ARHGAP21: variants seen among roughly 807,000 people sequenced by gnomAD.
ARHGAP21 encodes rho GTPase-activating protein 21.
In ARHGAP21, 38 loss-of-function variants were observed where a neutral mutation model predicts 164.6. The ratio of observed to expected loss-of-function variants is 0.23; its 90% CI spans 0.18 to 0.30. ARHGAP21 has a LOEUF of 0.30. ARHGAP21 is among the 10% of genes least tolerant of loss of function. ARHGAP21 has a pLI of 1.00. For missense variants in ARHGAP21, 1,822 were observed against 2,370.7 expected (o/e 0.77, Z 4.81); for synonymous variants, 766 against 857.9 (o/e 0.89, Z 1.87).
intron 14 of ARHGAP21, 102 bp downstream of exon 14, chr10:24,600,544 A>G (rs2076772249): frequency 1.5e-6 from 2 of 1,373,080 alleles, no homozygotes; most frequent in Admixed American, 2.4e-5. Context: ...AAAATAGCAC[A>G]TTATAATTTT....
intron 10 of ARHGAP21, 51 bp from the exon 11 acceptor site, chr10:24,607,652 T>C: frequency 6.2e-7 from 1 of 1,610,482 alleles, no homozygotes. Context: ...GGTTCCCAGA[T>C]TCTTTTAACG....
chr10:24,587,140 T>C (rs1194083701), intron 25 of ARHGAP21, among the ~76,000 whole-genome samples: 1 of 152,138 alleles, frequency 6.6e-6, no homozygotes, highest in Non-Finnish European at 1.5e-5. Context: ...TTGCTATGTA[T>C]AATAGGTTCT....
Position 24,584,485 on chromosome 10 carries a change from G to C in ARHGAP21, c.5804C>G (p.Ser1935Cys). 1 of 1,613,940 alleles carries C rather than the reference G, an allele frequency of 6.2e-7. No individual in the cohort carries two copies. The highest frequency in any genetic ancestry group is 1.7e-5 in the Admixed American group (1 of 60,016). The change falls in exon 26 of 26, where the codon TCT (serine) becomes TGT (cysteine). Residue 1935 changes from serine to cysteine, a missense_variant. Transcript: ENST00000396432. Reference sequence around the variant, plus strand: ...TTTATGAGGTTGGGCATTCGCTGCAGAACTAGCATTTTTGCTCACGTTCTG... The same window carrying C: ...TTTATGAGGTTGGGCATTCGCTGCACAACTAGCATTTTTGCTCACGTTCTG... ...SFQNVSKNAS[S>C]AANAQPHKLS... is the part of the protein sequence containing the mutation.
At chr10:24,647,841 C>A (rs1593155319) in intron 4 of ARHGAP21, among the ~76,000 whole-genome samples, 2 of 152,232 alleles carry the variant, frequency 1.3e-5, no homozygotes, top group East Asian at 1.9e-4. Context: ...TTTGTATATT[C>A]TTTTCTCTTT....
At chr10:24,633,772 T>C (rs1448408012) in intron 5 of ARHGAP21, among the ~76,000 whole-genome samples, 3 of 152,006 alleles carry the variant, frequency 2.0e-5, no homozygotes, top group Non-Finnish European at 4.4e-5. Context: ...AATTTAGAAA[T>C]TTCAAAAGGT....
chr10:24,638,496 T>G (rs1836621296), intron 4 of ARHGAP21, among the ~76,000 whole-genome samples: 1 of 152,204 alleles, frequency 6.6e-6, no homozygotes, highest in African/African-American at 2.4e-5. Flanking sequence ...CATTTCTAGA[T>G]ATGCAGAACT....
chr10:24,585,589 G>A lies in ARHGAP21; in HGVS notation c.4700C>T (p.Thr1567Ile), dbSNP rs757866638. 1.2e-6 allele frequency: 2 copies of A among 1,614,196 alleles called. No homozygotes were observed. Among genetic ancestry groups the A allele is most frequent in the Middle Eastern group, 1.6e-4 (1 of 6,062 alleles). The change falls in exon 26 of 26, where the codon ACC (threonine) becomes ATC (isoleucine). Residue 1567 changes from threonine (T) to isoleucine (I), a missense_variant. By Grantham distance (89) the Thr-to-Ile change is moderately conservative. Around this residue, in one of 5 missense-constraint regions of ARHGAP21, gnomAD observed 333 missense variants for 383.9 expected, o/e 0.87. Coordinates refer to ENST00000396432, the MANE Select transcript of ARHGAP21 (RefSeq NM_020824.4). ...CTCGCTATGTTTCGTTTCTGGACTG[G>A]TTGATTTCTTCATGGAAAACCTTGC... ...SLARFSMKKS[T>I]SPETKHSEFL...
At position 24,589,261 on chromosome 10, in the gene ARHGAP21, A is replaced by T. The variant is rs1476680809; in HGVS notation, c.4182+10T>A. 1 of 1,600,588 alleles carries T rather than the reference A, an allele frequency of 6.2e-7. No homozygotes were observed. Among genetic ancestry groups the T allele is most frequent in the African/African-American group, 1.3e-5 (1 of 74,536 alleles). ...CCCTAAAATATTTCAAATTGTATGA[A>T]ACAATTTACCTTAGATTTTGTTGAG... On this transcript the variant is annotated intron_variant, in intron 25 of 25. Transcript: ENST00000396432.
At chr10:24,652,500 G>A (rs578251126) in intron 4 of ARHGAP21, among the ~76,000 whole-genome samples, 1 of 152,186 alleles carries the variant, frequency 6.6e-6, no homozygotes, top group Admixed American at 6.5e-5. Context: ...ATTAAAATTA[G>A]AAACTTCCCT....
chr10:24,675,139 A>G (rs7098723), intron 2 of ARHGAP21, among the ~76,000 whole-genome samples: 124,696 of 152,228 alleles, frequency 0.82, 51,327 homozygotes, highest in African/African-American at 0.91. Flanking sequence ...TAGCAACTTT[A>G]TTATAGCCAC....
chr10:24,673,606 A>G (rs1840924871), intron 2 of ARHGAP21, among the ~76,000 whole-genome samples: 1 of 152,222 alleles, frequency 6.6e-6, no homozygotes, highest in African/African-American at 2.4e-5. Flanking sequence ...TCACGCCTGT[A>G]ATCCCAGCAC....
Position 24,687,371 on chromosome 10 carries a change from C to T in ARHGAP21, c.64-16974G>A, listed in dbSNP as rs117826514. On this transcript the variant is annotated intron_variant, in intron 2 of 25. Coordinates refer to ENST00000396432, the MANE Select transcript of ARHGAP21 (RefSeq NM_020824.4). Reference sequence around the variant, plus strand: ...ACCTCAAAAATGAATGAAATTTATACGAAATGAGTAAAGTTTACATAAAAC... The same window carrying T: ...ACCTCAAAAATGAATGAAATTTATATGAAATGAGTAAAGTTTACATAAAAC... 1.4e-4 allele frequency among the ~76,000 whole-genome samples: 21 copies of T among 152,252 alleles called. No homozygotes were observed. The South Asian group carries it at 1.7e-3, about 12-fold the overall frequency.
chr10:24,602,195 AT>A, intron 12 of ARHGAP21, 92 bp from the exon 13 acceptor site: 1 of 1,441,252 alleles, frequency 6.9e-7, no homozygotes, highest in Non-Finnish European at 9.3e-7. Context: ...ACTTTATTTA[AT>A]GTTTCAAGTG....
intron 2 of ARHGAP21, among the ~76,000 whole-genome samples, chr10:24,714,903 G>A (rs977893459): frequency 1.3e-5 from 2 of 151,884 alleles, no homozygotes; most frequent in African/African-American, 2.4e-5. Context: ...GGTGGCGGGC[G>A]CCTGTAGTCC....
At chr10:24,662,484 G>A (rs1160764160) in intron 4 of ARHGAP21, among the ~76,000 whole-genome samples, 3 of 152,194 alleles carry the variant, frequency 2.0e-5, no homozygotes, top group African/African-American at 7.2e-5. Context: ...CAGGGTTAGA[G>A]TGAGGATTAA....
chr10:24,698,088 T>C (rs567328393), intron 2 of ARHGAP21, among the ~76,000 whole-genome samples: 1 of 152,234 alleles, frequency 6.6e-6, no homozygotes, highest in East Asian at 1.9e-4. Context: ...TTGTATAGCT[T>C]GTATTAAATG....
Position 24,721,893 on chromosome 10 carries a change from CCAT to C in ARHGAP21, c.4_6del (p.Met2del). ...TCAGACAGACCAGTCCGACGCGTGG[CCAT>C]CATTTCATTTCAAATGACAAAGAAG... is the stretch of plus-strand genomic sequence containing the variant. On this transcript the variant is annotated inframe_deletion, in exon 2 of 26. Transcript: ENST00000396432. 9 of 1,614,218 alleles carry C rather than the reference CCAT, an allele frequency of 5.6e-6. No individual in the cohort carries two copies. The highest frequency in any genetic ancestry group is 7.6e-6 in the Non-Finnish European group (9 of 1,180,048).
rs768480187 is a variant in ARHGAP21 at position 24,584,986 on chromosome 10, C to G, written c.5303G>C (p.Arg1768Pro). Residue 1768 changes from arginine to proline, a missense_variant, in exon 26 of 26, where the codon CGG becomes CCG. By Grantham distance (103) the Arg-to-Pro change is moderately radical. Coordinates refer to ENST00000396432, the MANE Select transcript of ARHGAP21 (RefSeq NM_020824.4). The part of the protein sequence containing the change: ...EPTWKTKIAD[R>P]LKLRPRAPAD... ...AGGGGCTCTGGGTCTCAGTTTTAAC[C>G]GATCTGCTATTTTCGTTTTCCATGT... The G allele has an allele frequency of 1.2e-6, 2 of 1,613,830 alleles. No individual in the cohort carries two copies. Among genetic ancestry groups the G allele is most frequent in the Admixed American group, 1.7e-5 (1 of 59,994 alleles).
intron 13 of ARHGAP21, among the ~76,000 whole-genome samples, 198 bp from the exon 14 acceptor site, chr10:24,601,128 A>G (rs1462392076): frequency 2.0e-5 from 3 of 152,222 alleles, no homozygotes; most frequent in African/African-American, 4.8e-5. Flanking sequence ...CAGTGTATTC[A>G]TATCAAAGTC....
Sources: gnomAD v4.1 joint callset for allele counts (sites outside exome capture counted in the v4.1 genomes callset) on GRCh38, gnomAD v4.1.1 for gene constraint, gnomAD v4.1.1 regional missense constraint, MANE v1.5 for transcripts, NCBI Gene and HGNC (gene_info 2026-07-23, HGNC 2026-07-21) for gene names.